Variants in ETV6 observed in about 807,000 individuals in gnomAD.
ETV6 encodes the protein ETS variant transcription factor 6.
ETV6 carries 16 observed loss-of-function variants against 51.1 expected under a neutral mutation model. That is an observed-to-expected ratio of 0.31 (90% CI 0.21 to 0.48). The LOEUF (loss-of-function observed/expected upper bound fraction) is 0.48, where lower values mean the gene tolerates loss of function less well. Ranked by LOEUF, ETV6 falls within the 20% of genes least tolerant of loss-of-function variation. The probability of loss-of-function intolerance (pLI) is 0.99; values close to 1 mark genes in which losing one functional copy is unlikely to be tolerated. For synonymous variants in ETV6, 240 were observed against 224.1 expected (o/e 1.07, Z -0.64); for missense variants, 458 against 594.8 (o/e 0.77, Z 2.39).
In ETV6 at chr12:11,892,022, G is replaced by A. The variant is rs1947296567; in HGVS notation, c.*976G>A. On this transcript the variant is annotated 3_prime_UTR_variant, in exon 8 of 8. Transcript: ENST00000396373. ...CCTCGGCAGCTTGGGATTAGCTTGG[G>A]AGCGCAGCGCTGCAAAGTGGAAAAT... 1 of 234,368 alleles carries A rather than the reference G, an allele frequency of 4.3e-6. No homozygotes were observed. The highest frequency in any genetic ancestry group is 8.4e-6 in the Non-Finnish European group (1 of 118,936). 14.5% of individuals were successfully genotyped at this position (234,368 alleles called of 1,614,324 possible).
chr12:11,742,001 GAATGCCTGATTTAA>G (rs1429841852), intron 1 of ETV6, among the ~76,000 whole-genome samples: 4 of 152,210 alleles, frequency 2.6e-5, no homozygotes, highest in African/African-American at 9.6e-5. Flanking sequence ...ATAATAGCCA[GAATGCCTGATTTAA>G]AATGTTTCCT....
At position 11,801,959 on chromosome 12, in the gene ETV6, C is replaced by G. The variant is rs532325461; in HGVS notation, c.164-37181C>G. Among the ~76,000 whole-genome samples, 11 of 152,330 alleles carry G rather than the reference C, an allele frequency of 7.2e-5. No individual in the cohort carries two copies. The South Asian group carries it at 2.3e-3, about 32-fold the overall frequency. ...CTGCTACCTTCAAGCCCTGTTGATACTCACGCCCTCCTGCCCACATTCCTT... is the reference window on the plus strand; with the variant it reads ...CTGCTACCTTCAAGCCCTGTTGATAGTCACGCCCTCCTGCCCACATTCCTT... On this transcript the variant is annotated intron_variant, in intron 2 of 7. Coordinates refer to ENST00000396373, the MANE Select transcript of ETV6 (RefSeq NM_001987.5).
intron 1 of ETV6, among the ~76,000 whole-genome samples, chr12:11,682,987 T>C (rs1591605941): frequency 6.6e-6 from 1 of 152,250 alleles, no homozygotes; most frequent in African/African-American, 2.4e-5. Context: ...GTTTGCACTT[T>C]CATTGTGAAT....
intron 3 of ETV6, among the ~76,000 whole-genome samples, chr12:11,852,798 T>C (rs1403086746): frequency 1.3e-5 from 2 of 152,226 alleles, no homozygotes; most frequent in Admixed American, 1.3e-4. Flanking sequence ...CTTCTAACTA[T>C]AGAACTATAG....
chr12:11,783,171 C>T (rs947163868), intron 2 of ETV6, among the ~76,000 whole-genome samples: 7 of 151,864 alleles, frequency 4.6e-5, no homozygotes, highest in African/African-American at 9.7e-5. Flanking sequence ...GACAAGTCTC[C>T]GTGGAGCCCA....
intron 1 of ETV6, among the ~76,000 whole-genome samples, chr12:11,665,373 T>G (rs1054568749): frequency 1.3e-5 from 2 of 152,236 alleles, no homozygotes; most frequent in African/African-American, 4.8e-5. Context: ...TCATTGGAAG[T>G]CCATTTCTCA....
chr12:11,876,358 TA>T (rs1054752929), intron 5 of ETV6, among the ~76,000 whole-genome samples: 2 of 152,242 alleles, frequency 1.3e-5, no homozygotes, highest in Non-Finnish European at 2.9e-5. Context: ...ACTGCATCTC[TA>T]AATGCCAAAT....
intron 1 of ETV6, among the ~76,000 whole-genome samples, chr12:11,699,793 A>AG (rs750979463): frequency 1.5e-4 from 23 of 152,048 alleles, no homozygotes; most frequent in Non-Finnish European, 3.1e-4. Flanking sequence ...TCCCAGCTGG[A>AG]GGACCTTCGA....
At chr12:11,800,621 G>A (rs540554566) in intron 2 of ETV6, among the ~76,000 whole-genome samples, 4 of 152,142 alleles carry the variant, frequency 2.6e-5, no homozygotes, top group South Asian at 2.1e-4. Flanking sequence ...AAGCGAGATC[G>A]TGTAATATAT....
Position 11,649,967 on chromosome 12 carries a change from G to A in ETV6, c.-161G>A. ...CCAACTCCGCCGGCCGCCCCGCCCCGCCCCGCGCGCTCCAGACCCCCGGGG... is the reference window on the plus strand; with the variant it reads ...CCAACTCCGCCGGCCGCCCCGCCCCACCCCGCGCGCTCCAGACCCCCGGGG... On this transcript the variant is annotated 5_prime_UTR_variant, in exon 1 of 8. Transcript: ENST00000396373. The A allele has an allele frequency of 2.0e-6, 1 of 502,544 alleles. No homozygotes were observed. Among genetic ancestry groups the A allele is most frequent in the Non-Finnish European group, 3.4e-6 (1 of 295,696 alleles). The allele number at this position is 502,544 out of a possible 1,614,324, so 31.1% of individuals were successfully genotyped here.
chr12:11,868,712 G>A (rs1421957941), intron 4 of ETV6, among the ~76,000 whole-genome samples: 1 of 152,022 alleles, frequency 6.6e-6, no homozygotes, highest in Non-Finnish European at 1.5e-5. Context: ...AACTCCTAGA[G>A]TTAGAGAATA....
chr12:11,689,146 G>T (rs1864695882), intron 1 of ETV6, among the ~76,000 whole-genome samples: 1 of 140,712 alleles, frequency 7.1e-6, no homozygotes, highest in African/African-American at 2.5e-5. Flanking sequence ...GGGCGGGGGG[G>T]CGGGAGTGTT....
intron 7 of ETV6, among the ~76,000 whole-genome samples, chr12:11,888,111 A>G (rs1190479796): frequency 1.3e-5 from 2 of 152,196 alleles, no homozygotes; most frequent in Non-Finnish European, 2.9e-5. Flanking sequence ...ATCGGGATTC[A>G]CTCAACAACG....
chr12:11,722,989 C>T (rs1865418968), intron 1 of ETV6, among the ~76,000 whole-genome samples: 2 of 152,114 alleles, frequency 1.3e-5, no homozygotes, highest in African/African-American at 2.4e-5. Flanking sequence ...TTCCAGGGAC[C>T]GCACTTTAAT....
intron 1 of ETV6, among the ~76,000 whole-genome samples, chr12:11,657,941 G>C (rs1476331257): frequency 6.6e-6 from 1 of 152,218 alleles, no homozygotes; most frequent in Non-Finnish European, 1.5e-5. Flanking sequence ...TTCTCCTAGG[G>C]GAAGAGTACA....
chr12:11,784,458 C>CAAA (rs33973168), intron 2 of ETV6, among the ~76,000 whole-genome samples: 1 of 118,280 alleles, frequency 8.5e-6, no homozygotes, highest in Non-Finnish European at 1.8e-5. Context: ...GACTCCATCT[C>CAAA]AAAAAAAAAA....
At chr12:11,792,842 A>G (rs1945622651) in intron 2 of ETV6, among the ~76,000 whole-genome samples, 1 of 152,220 alleles carries the variant, frequency 6.6e-6, no homozygotes, top group African/African-American at 2.4e-5. Context: ...TTTTATTTCC[A>G]TGTATGCAAC....
chr12:11,831,500 C>T (rs1946245317), intron 2 of ETV6, among the ~76,000 whole-genome samples: 2 of 152,214 alleles, frequency 1.3e-5, no homozygotes, highest in African/African-American at 4.8e-5. Context: ...GCTGGGATTA[C>T]AGGTGTGAGC....
intron 1 of ETV6, among the ~76,000 whole-genome samples, chr12:11,668,582 GTCTTT>G (rs1864242816): frequency 6.6e-6 from 1 of 152,176 alleles, no homozygotes; most frequent in South Asian, 2.1e-4. Flanking sequence ...GACGCCAAGG[GTCTTT>G]TCTGAACTTC....
Sources: gnomAD v4.1 joint callset for allele counts (sites outside exome capture counted in the v4.1 genomes callset) on GRCh38, gnomAD v4.1.1 for gene constraint, MANE v1.5 for transcripts, NCBI Gene and HGNC (gene_info 2026-07-23, HGNC 2026-07-21) for gene names.